Variants in ARL13B observed in about 807,000 individuals in gnomAD.
The protein encoded by ARL13B is ADP-ribosylation factor-like protein 13B.
ARL13B carries 36 observed loss-of-function variants against 56.1 expected under a neutral mutation model. The ratio of observed to expected loss-of-function variants is 0.64; its 90% CI spans 0.49 to 0.85. The LOEUF (loss-of-function observed/expected upper bound fraction) is 0.85, where lower values mean the gene tolerates loss of function less well. Ranked by LOEUF, ARL13B falls within the 40% of genes least tolerant of loss-of-function variation. ARL13B has a pLI of 0.00. For synonymous variants in ARL13B, 178 were observed against 171.1 expected (o/e 1.04, Z -0.32); for missense variants, 519 against 507.1 (o/e 1.02, Z -0.23).
chr3:94,020,446 G>A (rs1373735454), intron 3 of ARL13B, among the ~76,000 whole-genome samples: 1 of 152,120 alleles, frequency 6.6e-6, no homozygotes, highest in Non-Finnish European at 1.5e-5. Flanking sequence ...TTATACGACA[G>A]TATAGCATAC....
intron 3 of ARL13B, among the ~76,000 whole-genome samples, chr3:94,021,828 A>G (rs969232297): frequency 1.3e-5 from 2 of 152,202 alleles, no homozygotes; most frequent in Non-Finnish European, 2.9e-5. Context: ...AAAGTGTTGA[A>G]GATACCATGT....
At chr3:93,994,335 G>C (rs902082646) in intron 1 of ARL13B, among the ~76,000 whole-genome samples, 1 of 152,034 alleles carries the variant, frequency 6.6e-6, no homozygotes, top group Non-Finnish European at 1.5e-5. Flanking sequence ...TCTTTCCTCA[G>C]ATTTTACCTT....
At chr3:94,033,110 A>G (rs2076705902) in intron 3 of ARL13B, among the ~76,000 whole-genome samples, 1 of 152,212 alleles carries the variant, frequency 6.6e-6, no homozygotes, top group Non-Finnish European at 1.5e-5. Flanking sequence ...TTAAAGTGAA[A>G]TAATTCAGAA....
chr3:94,044,437 TGAG>T (rs1204098338), intron 7 of ARL13B, among the ~76,000 whole-genome samples: 6 of 141,410 alleles, frequency 4.2e-5, no homozygotes, highest in Admixed American at 3.5e-4. Flanking sequence ...GAATGGGAAG[TGAG>T]GAGCGCCTCT....
chr3:94,037,809 GAAATCTA>G (rs1560005499), intron 5 of ARL13B, among the ~76,000 whole-genome samples: 1 of 152,010 alleles, frequency 6.6e-6, no homozygotes, highest in African/African-American at 2.4e-5. Flanking sequence ...TTGGATAAAA[GAAATCTA>G]ATGTTAGTAA....
chr3:94,034,067 T>C (rs886814328), intron 3 of ARL13B, among the ~76,000 whole-genome samples: 2 of 152,116 alleles, frequency 1.3e-5, no homozygotes, highest in Admixed American at 6.6e-5. Context: ...TAAAATGATA[T>C]TGGAGAATAT....
intron 3 of ARL13B, among the ~76,000 whole-genome samples, chr3:94,030,682 T>C (rs1254831574): frequency 6.6e-6 from 1 of 152,154 alleles, no homozygotes; most frequent in Non-Finnish European, 1.5e-5. Context: ...TTTAAAACAG[T>C]ATTATTGACT....
At position 93,980,242 on chromosome 3, in the gene ARL13B, G is replaced by T; in HGVS notation, c.-182G>T. Reference sequence around the variant, plus strand: ...TTCCTTGGCTAAGAGGGCAGTCGTCGCGGACCCACGCGGTTAGCAAGGCTT... The same window carrying T: ...TTCCTTGGCTAAGAGGGCAGTCGTCTCGGACCCACGCGGTTAGCAAGGCTT... On this transcript the variant is annotated 5_prime_UTR_variant, in exon 1 of 10. Transcript: ENST00000394222. 1.3e-6 allele frequency: 1 copy of T among 764,840 alleles called. No individual in the cohort carries two copies. The highest frequency in any genetic ancestry group is 2.3e-6 in the Non-Finnish European group (1 of 442,286). The allele number at this position is 764,840 out of a possible 1,614,324, so 47.4% of individuals were successfully genotyped here.
chr3:94,013,538 T>A (rs2076263425), intron 3 of ARL13B, among the ~76,000 whole-genome samples: 1 of 152,262 alleles, frequency 6.6e-6, no homozygotes, highest in South Asian at 2.1e-4. Flanking sequence ...TTAACTCATC[T>A]TCTTATTCCT....
chr3:94,042,598 T>A (rs1247698259), intron 6 of ARL13B, among the ~76,000 whole-genome samples: 1 of 152,196 alleles, frequency 6.6e-6, no homozygotes. Context: ...TCAATTCTTT[T>A]TTGTTTAAAC....
At chr3:94,044,359 G>T (rs2076935951) in intron 7 of ARL13B, among the ~76,000 whole-genome samples, 1 of 146,598 alleles carries the variant, frequency 6.8e-6, no homozygotes, top group Non-Finnish European at 1.5e-5. Flanking sequence ...CGTCTGGGAT[G>T]TGAGGAGCGT....
rs200143702 is a variant in ARL13B, at chr3:94,004,631, T to TA, written c.380+737dup. ...GTTCTTGTGGTTCATTATTAAGGAT[T>TA]AAAAAAAAAAAAAATCAACCTGTCA... is the stretch of plus-strand genomic sequence containing the variant. On this transcript the variant is annotated intron_variant, in intron 3 of 9. Transcript: ENST00000394222. Among the ~76,000 whole-genome samples the TA allele has an allele frequency of 4.1e-3, 587 of 141,920 alleles. 1 individual carries two copies. Among genetic ancestry groups the TA allele is most frequent in the African/African-American group, 4.5e-3 (175 of 38,820 alleles). 93.1% of individuals were successfully genotyped at this position (141,920 alleles called of 152,430 possible). A position where few individuals can be genotyped will look rare whatever the true frequency, so the allele number is the denominator to read the frequency against.
chr3:94,039,499 CAAAAAAA>C (rs11437061), intron 5 of ARL13B, among the ~76,000 whole-genome samples: 1 of 65,286 alleles, frequency 1.5e-5, no homozygotes, highest in African/African-American at 5.0e-5. Flanking sequence ...GACTCCGACT[CAAAAAAA>C]AAAAAAAAAA....
At position 94,026,106 on chromosome 3, in the gene ARL13B, G is replaced by A. The variant is rs868104003; in HGVS notation, c.381-9225G>A. The stretch of plus-strand genomic sequence containing the variant: ...ACCATCTCGGCTCACTGCAAGCTCC[G>A]CCTTCCGGGTTCACGCCATTCTCCT... On this transcript the variant is annotated intron_variant, in intron 3 of 9. Transcript: ENST00000394222. 4.7e-5 allele frequency among the ~76,000 whole-genome samples: 7 copies of A among 149,928 alleles called. No individual in the cohort carries two copies. In the South Asian group the frequency reaches 1.1e-3, roughly 23 times the overall value.
intron 2 of ARL13B, among the ~76,000 whole-genome samples, chr3:94,002,548 G>A (rs2076071801): frequency 6.6e-6 from 1 of 152,108 alleles, no homozygotes; most frequent in African/African-American, 2.4e-5. Context: ...CAGTGATGAA[G>A]AAAAAATAGA....
intron 3 of ARL13B, chr3:94,015,098 G>T (rs755447532): frequency 1.2e-6 from 2 of 1,613,646 alleles, no homozygotes; most frequent in African/African-American, 1.3e-5. Context: ...ATACTTTCCT[G>T]TAGTTTTTGG....
chr3:94,032,567 G>T (rs1314481619), intron 3 of ARL13B, among the ~76,000 whole-genome samples: 1 of 152,112 alleles, frequency 6.6e-6, no homozygotes, highest in Non-Finnish European at 1.5e-5. Context: ...CGCGATCTCG[G>T]CTCACTGCAA....
At chr3:94,052,030 G>A (rs536279069) in intron 9 of ARL13B, among the ~76,000 whole-genome samples, 1 of 151,576 alleles carries the variant, frequency 6.6e-6, no homozygotes, top group Non-Finnish European at 1.5e-5. Context: ...ACTTGACATC[G>A]TGATGTTTAT....
intron 4 of ARL13B, among the ~76,000 whole-genome samples, chr3:94,035,884 C>A (rs1376945047): frequency 6.6e-6 from 1 of 152,048 alleles, no homozygotes; most frequent in East Asian, 1.9e-4. Context: ...CCAACCTGGG[C>A]AACATAGTGA....
Sources: gnomAD v4.1 joint callset for allele counts (sites outside exome capture counted in the v4.1 genomes callset) on GRCh38, gnomAD v4.1.1 for gene constraint, MANE v1.5 for transcripts, NCBI Gene and HGNC (gene_info 2026-07-23, HGNC 2026-07-21) for gene names.